Variants in BCKDHB observed in about 807,000 individuals in gnomAD.
BCKDHB encodes 2-oxoisovalerate dehydrogenase subunit beta, mitochondrial.
A neutral mutation model predicts 48.5 loss-of-function variants in BCKDHB; 41 were observed. The ratio of observed to expected loss-of-function variants is 0.85; its 90% CI spans 0.66 to 1.10. The LOEUF is 1.10. Ranked by LOEUF, BCKDHB falls within the 50% of genes least tolerant of loss-of-function variation. BCKDHB has a pLI of 0.00. For missense variants in BCKDHB, 496 were observed against 494.2 expected (o/e 1.00, Z -0.03); for synonymous variants, 201 against 174.8 (o/e 1.15, Z -1.18).
chr6:80,358,826 G>A, the BCKDHB span, among the ~76,000 whole-genome samples: 2 of 152,168 alleles, frequency 1.3e-5, no homozygotes, highest in Non-Finnish European at 2.9e-5. Context: ...TTTACTAAAT[G>A]TCACTGAATC....
chr6:80,458,561 A>T, the BCKDHB span, among the ~76,000 whole-genome samples: 3 of 152,338 alleles, frequency 2.0e-5, no homozygotes, highest in South Asian at 6.2e-4. Flanking sequence ...AATACGTGTG[A>T]CACCACTTAA....
chr6:80,445,479 T>C, the BCKDHB span, among the ~76,000 whole-genome samples: 8 of 152,108 alleles, frequency 5.3e-5, no homozygotes, highest in African/African-American at 1.9e-4. Context: ...TGAGACTCAA[T>C]TGAAAGAAGC....
intron 4 of BCKDHB, 45 bp from the exon 5 acceptor site, chr6:80,168,830 G>A: frequency 1.4e-6 from 2 of 1,452,680 alleles, no homozygotes; most frequent in Non-Finnish European, 1.9e-6. Context: ...GATTGGAAGG[G>A]AAGGACTCAT....
chr6:80,215,534 T>G (rs1486518090), intron 8 of BCKDHB, among the ~76,000 whole-genome samples: 2 of 152,248 alleles, frequency 1.3e-5, no homozygotes, highest in South Asian at 2.1e-4. Flanking sequence ...TAGTAGATGC[T>G]CAGTAAATAT....
chr6:80,222,673 A>C (rs2127865204), intron 8 of BCKDHB, among the ~76,000 whole-genome samples: 1 of 152,242 alleles, frequency 6.6e-6, no homozygotes, highest in South Asian at 2.1e-4. Flanking sequence ...GTTTCAGAGT[A>C]GATATCCCTT....
the BCKDHB span, among the ~76,000 whole-genome samples, chr6:80,416,842 G>A: frequency 1.3e-5 from 2 of 149,336 alleles, no homozygotes; most frequent in African/African-American, 2.5e-5. Context: ...TGCTTTTTTT[G>A]TTTGTCTGGT....
At chr6:80,282,104 C>G (rs941815409) in intron 9 of BCKDHB, among the ~76,000 whole-genome samples, 6 of 152,080 alleles carry the variant, frequency 3.9e-5, no homozygotes, top group African/African-American at 1.2e-4. Context: ...CTCTGTTAAG[C>G]ATTCTTAAAT....
intron 8 of BCKDHB, among the ~76,000 whole-genome samples, chr6:80,205,561 T>C (rs1335821711): frequency 6.6e-6 from 1 of 152,098 alleles, no homozygotes; most frequent in Non-Finnish European, 1.5e-5. Context: ...TTGGAAGTTA[T>C]AAACCAAAAT....
At chr6:80,373,588 C>T in the BCKDHB span, among the ~76,000 whole-genome samples, 121 of 152,056 alleles carry the variant, frequency 8.0e-4, no homozygotes, top group African/African-American at 2.6e-3. Flanking sequence ...AGGCATTTAA[C>T]GCTATGTCAG....
the BCKDHB span, among the ~76,000 whole-genome samples, chr6:80,376,635 T>C: frequency 6.6e-6 from 1 of 152,340 alleles, no homozygotes; most frequent in African/African-American, 2.4e-5. Context: ...TGCAAGTTAG[T>C]CCTGTCTCCT....
At chr6:80,209,651 A>G (rs1437185407) in intron 8 of BCKDHB, among the ~76,000 whole-genome samples, 1 of 151,956 alleles carries the variant, frequency 6.6e-6, no homozygotes, top group East Asian at 1.9e-4. Context: ...ATTAACTCTT[A>G]CCACACAAGC....
At chr6:80,450,020 AT>A in the BCKDHB span, among the ~76,000 whole-genome samples, 1 of 152,092 alleles carries the variant, frequency 6.6e-6, no homozygotes, top group African/African-American at 2.4e-5. Context: ...ATATGATATT[AT>A]ATTCAAATAA....
intron 5 of BCKDHB, 124 bp from the exon 6 acceptor site, chr6:80,171,158 A>G: frequency 1.6e-6 from 1 of 627,968 alleles, no homozygotes; most frequent in South Asian, 2.0e-5. Flanking sequence ...TAGGCTTAAA[A>G]TAAATAGCCA....
chr6:80,348,051 A>C (rs1007051453), downstream of BCKDHB, among the ~76,000 whole-genome samples: 1 of 152,156 alleles, frequency 6.6e-6, no homozygotes, highest in Non-Finnish European at 1.5e-5. Flanking sequence ...AGGAAAAAAT[A>C]TAATAACTGC....
intron 8 of BCKDHB, among the ~76,000 whole-genome samples, chr6:80,212,246 G>T (rs1774970534): frequency 6.6e-6 from 1 of 152,098 alleles, no homozygotes; most frequent in South Asian, 2.1e-4. Flanking sequence ...GGTACTGCAG[G>T]AGACCAGGGC....
the BCKDHB span, among the ~76,000 whole-genome samples, chr6:80,427,218 G>A: frequency 6.6e-6 from 1 of 151,786 alleles, no homozygotes; most frequent in Non-Finnish European, 1.5e-5. Context: ...TCACTTTTAA[G>A]GTTTATTAGC....
the BCKDHB span, among the ~76,000 whole-genome samples, chr6:80,432,581 A>C: frequency 6.6e-6 from 1 of 151,848 alleles, no homozygotes; most frequent in South Asian, 2.1e-4. Context: ...AATTGGTCTA[A>C]CCTTTTTTCA....
At chr6:80,373,433 G>T in the BCKDHB span, among the ~76,000 whole-genome samples, 9 of 151,758 alleles carry the variant, frequency 5.9e-5, no homozygotes, top group African/African-American at 1.2e-4. Flanking sequence ...TATCTTTTTT[G>T]TTGTTGTTGT....
chr6:80,342,537 A>T (rs942464240), intron 9 of BCKDHB, among the ~76,000 whole-genome samples: 1 of 146,578 alleles, frequency 6.8e-6, no homozygotes, highest in Non-Finnish European at 1.5e-5. Flanking sequence ...CCTGGGCAAC[A>T]TAAGAAGACC....
Sources: gnomAD v4.1 joint callset for allele counts (sites outside exome capture counted in the v4.1 genomes callset) on GRCh38, gnomAD v4.1.1 for gene constraint, MANE v1.5 for transcripts, NCBI Gene and HGNC (gene_info 2026-07-23, HGNC 2026-07-21) for gene names.